Variants in PLAAT3 observed in about 807,000 individuals in gnomAD.
PLAAT3 encodes Ca-independent phospholipase A1/2.
Under a neutral mutation model 16.7 loss-of-function variants are expected in PLAAT3, and 21 were observed. That is an observed-to-expected ratio of 1.26 (90% confidence interval 0.89 to 1.81). The LOEUF (loss-of-function observed/expected upper bound fraction) is 1.81, where lower values mean the gene tolerates loss of function less well. PLAAT3 is among the 40% of genes most tolerant of loss of function. PLAAT3 has a pLI of 0.00. For missense variants in PLAAT3, 219 were observed against 213.7 expected (o/e 1.02, Z -0.16); for synonymous variants, 76 against 81.7 (o/e 0.93, Z 0.38).
intron 2 of PLAAT3, among the ~76,000 whole-genome samples, chr11:63,606,510 C>T (rs1938569981): frequency 6.6e-6 from 1 of 151,270 alleles, no homozygotes; most frequent in Admixed American, 6.6e-5. Flanking sequence ...AGATCCGAAA[C>T]CAACAGAAAG....
intron 4 of PLAAT3, among the ~76,000 whole-genome samples, chr11:63,585,634 G>T (rs368446638): frequency 2.0e-5 from 3 of 152,258 alleles, no homozygotes; most frequent in South Asian, 4.1e-4. Context: ...AGAAGCAGTA[G>T]AGATGGCACC....
At chr11:63,604,939 A>G (rs534168915) in intron 2 of PLAAT3, among the ~76,000 whole-genome samples, 1 of 152,158 alleles carries the variant, frequency 6.6e-6, no homozygotes, top group South Asian at 2.1e-4. Flanking sequence ...ACAATATCCT[A>G]ATGGACATTC....
At chr11:63,603,811 A>G (rs1048217219) in intron 2 of PLAAT3, among the ~76,000 whole-genome samples, 2 of 152,124 alleles carry the variant, frequency 1.3e-5, no homozygotes, top group Non-Finnish European at 2.9e-5. Context: ...GGAAATATTA[A>G]TTGAGAAAAG....
chr11:63,581,570 G>A (rs577239604), intron 4 of PLAAT3, among the ~76,000 whole-genome samples: 8 of 152,266 alleles, frequency 5.3e-5, no homozygotes, highest in South Asian at 2.1e-4. Flanking sequence ...AAGACAATGC[G>A]TGCACAGCAG....
chr11:63,600,573 T>C (rs1938398514), intron 2 of PLAAT3, among the ~76,000 whole-genome samples: 1 of 146,656 alleles, frequency 6.8e-6, no homozygotes, highest in Non-Finnish European at 1.5e-5. Flanking sequence ...TACATCTTCA[T>C]GGTTTTTTTG....
At chr11:63,615,824 C>T (rs1194176226), upstream of PLAAT3, among the ~76,000 whole-genome samples, 1 of 151,862 alleles carries the variant, frequency 6.6e-6, no homozygotes, top group Non-Finnish European at 1.5e-5. Flanking sequence ...TGCACCACCG[C>T]GCCCAGCTAA....
intron 4 of PLAAT3, among the ~76,000 whole-genome samples, chr11:63,579,122 A>G (rs1937714486): frequency 6.6e-6 from 1 of 152,268 alleles, no homozygotes; most frequent in South Asian, 2.1e-4. Context: ...ACATGAAAAA[A>G]TGCTCATCAT....
intron 2 of PLAAT3, among the ~76,000 whole-genome samples, chr11:63,609,530 G>C (rs537599464): frequency 3.0e-4 from 46 of 152,344 alleles, no homozygotes; most frequent in African/African-American, 1.1e-3. Context: ...TAATGGAAGT[G>C]AAAGCTGTAA....
chr11:63,578,853 A>G (rs1422737207), intron 4 of PLAAT3, among the ~76,000 whole-genome samples: 1 of 151,568 alleles, frequency 6.6e-6, no homozygotes, highest in Non-Finnish European at 1.5e-5. Flanking sequence ...AATGGCAACG[A>G]AAGCCAAAAT....
intron 4 of PLAAT3, among the ~76,000 whole-genome samples, chr11:63,576,162 C>T (rs779089579): frequency 6.6e-6 from 1 of 152,112 alleles, no homozygotes; most frequent in African/African-American, 2.4e-5. Context: ...ACAAAAGATA[C>T]CAATACTGGG....
rs1565255479 is a variant in PLAAT3 at position 63,603,739 on chromosome 11, CACACACA to C, written c.16-5583_16-5577del. Among the ~76,000 whole-genome samples the C allele has an allele frequency of 7.0e-5, 10 of 142,376 alleles. No homozygotes were observed. In the South Asian group the frequency reaches 2.3e-3, roughly 33 times the overall value. 93.4% of individuals were successfully genotyped at this position (142,376 alleles called of 152,430 possible). On this transcript the variant is annotated intron_variant, in intron 2 of 4. Coordinates refer to ENST00000415826, the MANE Select transcript of PLAAT3 (RefSeq NM_001128203.2). ...ACACACACACACACACACACACACACACACACACACACACAGACAGAGATATTAGAGA... is the reference window on the plus strand; with the variant it reads ...ACACACACACACACACACACACACACCACACACAGACAGAGATATTAGAGA...
In PLAAT3 at chr11:63,574,746, C is replaced by T. The variant is rs557634940; in HGVS notation, c.*199G>A. 1.2e-5 allele frequency: 7 copies of T among 579,324 alleles called. No individual in the cohort carries two copies. The East Asian group carries it at 2.0e-4, about 17-fold the overall frequency. The allele number at this position is 579,324 out of a possible 1,614,324, so 35.9% of individuals were successfully genotyped here. Reference sequence around the variant, plus strand: ...TGACCAGGAAGACAGCCCGGCTGTTCCCTGAACAGACTTCACACCAGGCAG... The same window carrying T: ...TGACCAGGAAGACAGCCCGGCTGTTTCCTGAACAGACTTCACACCAGGCAG... On this transcript the variant is annotated 3_prime_UTR_variant, in exon 5 of 5. Transcript: ENST00000415826.
chr11:63,576,475 G>T lies in PLAAT3; in HGVS notation c.388-1429C>A, dbSNP rs185391401. Among the ~76,000 whole-genome samples the T allele has an allele frequency of 2.1e-3, 324 of 152,188 alleles. 1 individual carries two copies. The highest frequency in any genetic ancestry group is 3.8e-3 in the Non-Finnish European group (259 of 67,990). ...CCATCTCTAAAAATCACAAAAATTA[G>T]CCAGGCCTGGTGACACGTGCCTATA... On this transcript the variant is annotated intron_variant, in intron 4 of 4. Transcript: ENST00000415826.
chr11:63,615,818 C>T (rs1179169574), upstream of PLAAT3, among the ~76,000 whole-genome samples: 1 of 151,904 alleles, frequency 6.6e-6, no homozygotes, highest in African/African-American at 2.4e-5. Context: ...CAGACGTGCA[C>T]CACCGCGCCC....
At chr11:63,586,576 G>C (rs989006545) in intron 4 of PLAAT3, among the ~76,000 whole-genome samples, 2 of 152,182 alleles carry the variant, frequency 1.3e-5, no homozygotes, top group Admixed American at 1.3e-4. Flanking sequence ...AGGTTGTCTT[G>C]TACTCTGTAT....
intron 2 of PLAAT3, among the ~76,000 whole-genome samples, chr11:63,606,983 G>A (rs909082829): frequency 3.9e-5 from 6 of 152,202 alleles, no homozygotes; most frequent in Non-Finnish European, 8.8e-5. Context: ...GATGTAGGGT[G>A]CAAGGAGGAG....
intron 3 of PLAAT3, among the ~76,000 whole-genome samples, chr11:63,591,138 T>G (rs1938142781): frequency 6.6e-6 from 1 of 152,094 alleles, no homozygotes; most frequent in South Asian, 2.1e-4. Flanking sequence ...TCCCAGCACT[T>G]TGGGAGGCCA....
chr11:63,604,677 C>T (rs971922174), intron 2 of PLAAT3, among the ~76,000 whole-genome samples: 9 of 151,946 alleles, frequency 5.9e-5, no homozygotes, highest in African/African-American at 1.9e-4. Context: ...GCTGGAGAAT[C>T]GCTTGAACCT....
At chr11:63,583,617 A>G (rs192110379) in intron 4 of PLAAT3, among the ~76,000 whole-genome samples, 1 of 152,322 alleles carries the variant, frequency 6.6e-6, no homozygotes, top group East Asian at 1.9e-4. Flanking sequence ...TGCTACCTTC[A>G]GATGCCATTG....
Sources: gnomAD v4.1 joint callset for allele counts (sites outside exome capture counted in the v4.1 genomes callset) on GRCh38, gnomAD v4.1.1 for gene constraint, MANE v1.5 for transcripts, NCBI Gene and HGNC (gene_info 2026-07-23, HGNC 2026-07-21) for gene names.